The following ZNF654 variants were observed in gnomAD, a reference collection of about 807,000 sequenced individuals.
The protein encoded by ZNF654 is melanoma-associated antigen.
ZNF654 carries 19 observed loss-of-function variants against 95.3 expected under a neutral mutation model. That is an observed-to-expected ratio of 0.20 (90% CI 0.14 to 0.29). The LOEUF is 0.29. Ranked by LOEUF, ZNF654 falls within the 10% of genes least tolerant of loss-of-function variation. The pLI is 1.00. For synonymous variants in ZNF654, 413 were observed against 457.9 expected (o/e 0.90, Z 1.25); for missense variants, 1,046 against 1,341.0 (o/e 0.78, Z 3.44).
At chr3:88,069,613 G>A (rs1180836172) in intron 1 of ZNF654, among the ~76,000 whole-genome samples, 6 of 152,206 alleles carry the variant, frequency 3.9e-5, no homozygotes, top group Non-Finnish European at 8.8e-5. Flanking sequence ...TAATTGGCAA[G>A]CTTCAACATT....
At chr3:88,129,643 G>T in intron 5 of ZNF654, 44 bp from the exon 6 acceptor site, 1 of 1,330,186 alleles carries the variant, frequency 7.5e-7, no homozygotes, top group Non-Finnish European at 9.8e-7. Flanking sequence ...TAGCTTCTTA[G>T]ATATTTTTAA....
chr3:88,066,453 A>T (rs1311938683), intron 1 of ZNF654, among the ~76,000 whole-genome samples: 1 of 152,174 alleles, frequency 6.6e-6, no homozygotes, highest in Non-Finnish European at 1.5e-5. Context: ...ACACACCTGT[A>T]GTCCCAGCTA....
At chr3:88,059,627 T>A in intron 1 of ZNF654, 122 bp downstream of exon 1, 1 of 1,318,790 alleles carries the variant, frequency 7.6e-7, no homozygotes, top group Non-Finnish European at 9.8e-7. Flanking sequence ...ACAAGGAGGG[T>A]GAGGCTGAAG....
At chr3:88,059,744 C>T (rs1270338567) in intron 1 of ZNF654, among the ~76,000 whole-genome samples, 1 of 151,964 alleles carries the variant, frequency 6.6e-6, no homozygotes, top group Non-Finnish European at 1.5e-5. Context: ...GATGGAGGGG[C>T]TGGAAAGAAG....
rs141375104 is a variant in ZNF654 at position 88,078,516 on chromosome 3, T to A, written c.187-7741T>A. ...ACTGAAGAGATGCTGTTAGTTTAGA[T>A]AGGGGCAAATATTCTGTTTTCCAAA... is the stretch of plus-strand genomic sequence containing the variant. On this transcript the variant is annotated intron_variant, in intron 1 of 8. Coordinates refer to ENST00000636215, the MANE Select transcript of ZNF654 (RefSeq NM_001350134.2). Among the ~76,000 whole-genome samples, 1,413 of 152,246 alleles carry A rather than the reference T, an allele frequency of 9.3e-3. 20 individuals are homozygous for A. The highest frequency in any genetic ancestry group is 0.011 in the Non-Finnish European group (779 of 67,964).
chr3:88,060,633 A>G (rs1706819529), intron 1 of ZNF654, among the ~76,000 whole-genome samples: 1 of 152,196 alleles, frequency 6.6e-6, no homozygotes, highest in South Asian at 2.1e-4. Context: ...CCTTCTGTCA[A>G]AGAGGAGTAA....
intron 2 of ZNF654, among the ~76,000 whole-genome samples, chr3:88,111,400 C>A (rs1396880000): frequency 6.6e-6 from 1 of 151,634 alleles, no homozygotes; most frequent in Non-Finnish European, 1.5e-5. Flanking sequence ...TATATGTTCC[C>A]CCACCCCCTG....
Position 88,140,033 on chromosome 3 carries a change from A to T in ZNF654, c.2364A>T (p.Lys788Asn). Residue 788 changes from lysine (K) to asparagine (N), a missense_variant, in exon 8 of 9, where the codon AAA becomes AAT. Around this residue, in one of 9 missense-constraint regions of ZNF654, gnomAD observed 495 missense variants for 537.0 expected, o/e 0.92. Coordinates refer to ENST00000636215, the MANE Select transcript of ZNF654 (RefSeq NM_001350134.2). ...RQTVMKWSKG[K>N]CKFCQRQFED... ...CAGTAATGAAGTGGAGCAAAGGAAAATGCAAATTTTGTCAAAGGCAATTTG... is the reference window on the plus strand; with the variant it reads ...CAGTAATGAAGTGGAGCAAAGGAAATTGCAAATTTTGTCAAAGGCAATTTG... 6.2e-7 allele frequency: 1 copy of T among 1,613,780 alleles called. No homozygotes were observed. The highest frequency in any genetic ancestry group is 8.5e-7 in the Non-Finnish European group (1 of 1,179,764).
At chr3:88,135,002 T>C (rs1706687187) in intron 6 of ZNF654, 59 bp from the exon 7 acceptor site, 2 of 1,185,248 alleles carry the variant, frequency 1.7e-6, no homozygotes, top group Non-Finnish European at 1.1e-6. Flanking sequence ...GAAAGATAGC[T>C]AATGTCTGTA....
intron 1 of ZNF654, among the ~76,000 whole-genome samples, chr3:88,074,380 C>T (rs1202349017): frequency 3.0e-5 from 4 of 133,796 alleles, no homozygotes; most frequent in East Asian, 2.2e-4. Context: ...CTTGCTTTAT[C>T]GCCCAGGCTG....
Position 88,138,702 on chromosome 3 carries a change from C to T in ZNF654, c.1036-3C>T. 1 of 1,231,022 alleles carries T rather than the reference C, an allele frequency of 8.1e-7. No homozygotes were observed. The highest frequency in any genetic ancestry group is 1.0e-6 in the Non-Finnish European group (1 of 987,098). The allele number at this position is 1,231,022 out of a possible 1,614,324, so 76.3% of individuals were successfully genotyped here. A position where few individuals can be genotyped will look rare whatever the true frequency, so the allele number is the denominator to read the frequency against. On this transcript the variant is annotated splice_polypyrimidine_tract_variant and splice_region_variant and intron_variant, in intron 7 of 8. Transcript: ENST00000636215. ...TTTAGCACTAATATTTTTCTTTTTA[C>T]AGGTTGAAGAAGAAGGCTTGCAAAT...
At chr3:88,064,810 G>A (rs1371859041) in intron 1 of ZNF654, among the ~76,000 whole-genome samples, 1 of 152,184 alleles carries the variant, frequency 6.6e-6, no homozygotes, top group Non-Finnish European at 1.5e-5. Context: ...AGACGTAAAT[G>A]TGGTTCAATC....
rs1275813834 is a variant in ZNF654, at chr3:88,059,346, G to A, written c.27G>A (p.Glu9=). MAEEESDQ[E]AERLGEELVA... is the part of the protein sequence containing the mutation. ...TGGCGGAGGAAGAGAGCGACCAAGA[G>A]GCCGAACGCCTCGGAGAAGAGCTTG... The change falls in exon 1 of 9, where the codon GAG becomes GAA. Residue 9 remains glutamate (E), a synonymous_variant. Transcript: ENST00000636215. The A allele has an allele frequency of 6.5e-7, 1 of 1,534,822 alleles. No homozygotes were observed. Among genetic ancestry groups the A allele is most frequent in the Non-Finnish European group, 8.7e-7 (1 of 1,146,710 alleles).
At chr3:88,063,218 T>C (rs1476074196) in intron 1 of ZNF654, among the ~76,000 whole-genome samples, 1 of 152,154 alleles carries the variant, frequency 6.6e-6, no homozygotes, top group East Asian at 1.9e-4. Context: ...CAACAAAGAA[T>C]TATCTGGTCC....
At chr3:88,120,460 G>C (rs1249991794) in intron 3 of ZNF654, among the ~76,000 whole-genome samples, 2 of 152,188 alleles carry the variant, frequency 1.3e-5, no homozygotes, top group East Asian at 3.8e-4. Context: ...TTGGTGATCT[G>C]AGTGGTAGTC....
intron 2 of ZNF654, among the ~76,000 whole-genome samples, chr3:88,089,558 A>AT (rs915962005): frequency 2.6e-5 from 4 of 152,034 alleles, no homozygotes; most frequent in African/African-American, 9.7e-5. Context: ...TAGTTTCAGG[A>AT]TTTTCTGAAT....
intron 2 of ZNF654, among the ~76,000 whole-genome samples, chr3:88,089,292 C>G (rs1390524315): frequency 1.3e-5 from 2 of 149,744 alleles, no homozygotes; most frequent in Non-Finnish European, 3.0e-5. Flanking sequence ...GAGATCGAGA[C>G]CATCCTAGCC....
intron 1 of ZNF654, among the ~76,000 whole-genome samples, chr3:88,074,469 G>A (rs1707690652): frequency 1.3e-5 from 2 of 151,456 alleles, no homozygotes; most frequent in Non-Finnish European, 2.9e-5. Flanking sequence ...AGCCTCCCAA[G>A]TAGCTGGGAT....
At chr3:88,132,565 A>G (rs1257915999) in intron 6 of ZNF654, among the ~76,000 whole-genome samples, 7 of 152,192 alleles carry the variant, frequency 4.6e-5, no homozygotes, top group Admixed American at 6.5e-5. Context: ...TTTAAATCCA[A>G]TCAAAATGGA....
Sources: allele counts gnomAD v4.1 joint callset (sites outside exome capture counted in the v4.1 genomes callset), GRCh38; gene constraint gnomAD v4.1.1; regional missense constraint gnomAD v4.1.1; transcripts MANE v1.5; gene names NCBI Gene and HGNC (gene_info 2026-07-23, HGNC 2026-07-21).